Variants in CCDC7 observed in about 807,000 individuals in gnomAD.
The protein encoded by CCDC7 is coiled-coil domain-containing protein 7.
CCDC7 carries 183 observed loss-of-function variants against 196.9 expected under a neutral mutation model. That is an observed-to-expected ratio of 0.93 (90% confidence interval 0.82 to 1.05). The LOEUF is 1.05. CCDC7 is among the 50% of genes least tolerant of loss of function. The probability of loss-of-function intolerance (pLI) is 0.00; values close to 1 mark genes in which losing one functional copy is unlikely to be tolerated. For missense variants in CCDC7, 1,540 were observed against 1,482.2 expected (o/e 1.04, Z -0.64); for synonymous variants, 525 against 484.6 (o/e 1.08, Z -1.10).
rs139200106 is a variant in CCDC7 at position 32,506,525 on chromosome 10, C to T, written c.873-11420C>T. ...GGTGGCTGGGAGGTGGAGGTTGTAG[C>T]GAGCCGAGATCACGCCACTGCACTC... On this transcript the variant is annotated intron_variant, in intron 9 of 41. Transcript: ENST00000639629. 2.4e-3 allele frequency among the ~76,000 whole-genome samples: 362 copies of T among 152,248 alleles called. 4 individuals are homozygous for T. The highest frequency in any genetic ancestry group is 8.1e-3 in the African/African-American group (336 of 41,544).
At chr10:32,849,495 G>C (rs1181220593) in intron 39 of CCDC7, among the ~76,000 whole-genome samples, 1 of 151,966 alleles carries the variant, frequency 6.6e-6, no homozygotes, top group Non-Finnish European at 1.5e-5. Context: ...ACGAGGTCAA[G>C]AGATAGAGAC....
Position 32,544,659 on chromosome 10 carries a change from T to A in CCDC7, c.1134+358T>A, listed in dbSNP as rs77825302. 0.012 allele frequency among the ~76,000 whole-genome samples: 1,828 copies of A among 152,264 alleles called. 102 individuals carry two copies. In the East Asian group the frequency reaches 0.17, roughly 14 times the overall value. ...ACTTTGGATAATTCCCTTTAACCTA[T>A]TTGAATTTCAAATTTTTCAAAATTT... On this transcript the variant is annotated intron_variant, in intron 13 of 41. Transcript: ENST00000639629.
At chr10:32,742,022 G>A (rs1227254808) in intron 28 of CCDC7, among the ~76,000 whole-genome samples, 1 of 152,126 alleles carries the variant, frequency 6.6e-6, no homozygotes, top group South Asian at 2.1e-4. Flanking sequence ...TGGTATTTAT[G>A]TGATGTATTC....
intron 25 of CCDC7, among the ~76,000 whole-genome samples, chr10:32,715,738 A>T (rs1238468110): frequency 6.6e-6 from 1 of 152,226 alleles, no homozygotes; most frequent in Non-Finnish European, 1.5e-5. Context: ...ACACAGCACG[A>T]GAACTTTGTG....
exon 3 of CCDC7, chr10:32,456,326 G>A: frequency 6.4e-7 from 1 of 1,569,236 alleles, no homozygotes; most frequent in African/African-American, 1.3e-5. Context: ...ACTTAAAGAA[G>A]AACAAAATGT....
chr10:32,650,223 G>A (rs760638722), intron 20 of CCDC7, among the ~76,000 whole-genome samples: 2 of 152,118 alleles, frequency 1.3e-5, no homozygotes, highest in Non-Finnish European at 2.9e-5. Context: ...CTCTGTATAG[G>A]GTCTTTGTTG....
At chr10:32,752,803 G>A (rs1243609790) in intron 28 of CCDC7, among the ~76,000 whole-genome samples, 1 of 152,034 alleles carries the variant, frequency 6.6e-6, no homozygotes, top group Non-Finnish European at 1.5e-5. Context: ...TTCCTTAAGA[G>A]TTAGCACCTT....
chr10:32,755,559 TAACA>T (rs1565404405), intron 28 of CCDC7, among the ~76,000 whole-genome samples: 1 of 151,966 alleles, frequency 6.6e-6, no homozygotes, highest in African/African-American at 2.4e-5. Context: ...GAAGGAAAAC[TAACA>T]AACAGAAAGG....
chr10:32,716,412 A>G (rs962345910), intron 25 of CCDC7, among the ~76,000 whole-genome samples: 1 of 152,246 alleles, frequency 6.6e-6, no homozygotes, highest in Non-Finnish European at 1.5e-5. Flanking sequence ...TAAATATGGA[A>G]AGGAAAAACT....
intron 30 of CCDC7, among the ~76,000 whole-genome samples, chr10:32,806,075 A>T (rs889913883): frequency 3.3e-5 from 5 of 152,186 alleles, no homozygotes; most frequent in African/African-American, 1.2e-4. Context: ...TTCCATGGAG[A>T]AGGATCTGCC....
chr10:32,500,096 C>T (rs966291007), intron 9 of CCDC7, among the ~76,000 whole-genome samples: 2 of 152,336 alleles, frequency 1.3e-5, no homozygotes, highest in South Asian at 4.1e-4. Flanking sequence ...CATCATGGCC[C>T]GTTCTCCATG....
At chr10:32,643,568 A>G (rs2067217477) in intron 20 of CCDC7, among the ~76,000 whole-genome samples, 1 of 151,550 alleles carries the variant, frequency 6.6e-6, no homozygotes, top group East Asian at 1.9e-4. Flanking sequence ...CTTCTACCCA[A>G]TCCATGTTTA....
chr10:32,635,901 A>G (rs1336393628), intron 20 of CCDC7, among the ~76,000 whole-genome samples: 3 of 152,104 alleles, frequency 2.0e-5, no homozygotes, highest in Non-Finnish European at 4.4e-5. Flanking sequence ...ATGTTTAAGT[A>G]TACCATTTCT....
At chr10:32,743,264 T>C (rs1454333567) in intron 28 of CCDC7, among the ~76,000 whole-genome samples, 2 of 152,222 alleles carry the variant, frequency 1.3e-5, no homozygotes, top group African/African-American at 2.4e-5. Flanking sequence ...TGTTTTTTTC[T>C]TGTAAATTTG....
intron 5 of CCDC7, among the ~76,000 whole-genome samples, chr10:32,469,958 T>G (rs945241942): frequency 6.6e-6 from 1 of 152,148 alleles, no homozygotes; most frequent in Admixed American, 6.5e-5. Context: ...TGCAGTAAAT[T>G]GATGACATTA....
At chr10:32,716,003 C>G (rs192487259) in intron 25 of CCDC7, among the ~76,000 whole-genome samples, 19 of 152,236 alleles carry the variant, frequency 1.2e-4, no homozygotes, top group African/African-American at 3.9e-4. Flanking sequence ...AGGAGAACTT[C>G]CCCAAAATAG....
intron 18 of CCDC7, among the ~76,000 whole-genome samples, chr10:32,597,710 G>A (rs1222778221): frequency 1.3e-5 from 2 of 152,162 alleles, no homozygotes; most frequent in African/African-American, 4.8e-5. Flanking sequence ...TGGTGTGCAT[G>A]TCCTTTCTGT....
At chr10:32,824,285 T>A (rs748228370) in intron 31 of CCDC7, among the ~76,000 whole-genome samples, 4 of 152,178 alleles carry the variant, frequency 2.6e-5, no homozygotes, top group African/African-American at 4.8e-5. Context: ...ACTTGCTATA[T>A]GGTCTTGGTC....
intron 41 of CCDC7, among the ~76,000 whole-genome samples, chr10:32,874,437 A>G (rs2094532715): frequency 6.6e-6 from 1 of 151,274 alleles, no homozygotes; most frequent in Admixed American, 6.6e-5. Context: ...CCCACCTGTC[A>G]TCCTCTCCCC....
Sources: allele counts gnomAD v4.1 joint callset (sites outside exome capture counted in the v4.1 genomes callset), GRCh38; gene constraint gnomAD v4.1.1; transcripts MANE v1.5; gene names NCBI Gene and HGNC (gene_info 2026-07-23, HGNC 2026-07-21).